Variants in GMPR observed in about 807,000 individuals in gnomAD.
GMPR encodes the protein GMP reductase 1.
In GMPR, 31 loss-of-function variants were observed where a neutral mutation model predicts 38.4. That is an observed-to-expected ratio of 0.81 (90% confidence interval 0.61 to 1.09). The LOEUF is 1.09. GMPR is among the 50% of genes least tolerant of loss of function. The probability of loss-of-function intolerance (pLI) is 0.00; values close to 1 mark genes in which losing one functional copy is unlikely to be tolerated. For missense variants in GMPR, 468 were observed against 453.7 expected (o/e 1.03, Z -0.29); for synonymous variants, 162 against 173.3 (o/e 0.93, Z 0.51).
At chr6:16,260,885 G>A (rs1382390668) in intron 4 of GMPR, among the ~76,000 whole-genome samples, 5 of 151,952 alleles carry the variant, frequency 3.3e-5, no homozygotes, top group Admixed American at 2.6e-4. Flanking sequence ...ATTGAAGTCC[G>A]GGCCAGGAAC....
intron 4 of GMPR, among the ~76,000 whole-genome samples, chr6:16,271,695 C>T (rs1014416414): frequency 1.3e-5 from 2 of 151,788 alleles, no homozygotes; most frequent in African/African-American, 4.8e-5. Context: ...ACTCCTGCCC[C>T]CATTATAATT....
intron 4 of GMPR, among the ~76,000 whole-genome samples, chr6:16,270,060 G>A (rs1759351790): frequency 6.6e-6 from 1 of 152,100 alleles, no homozygotes; most frequent in South Asian, 2.1e-4. Flanking sequence ...TCACCACCTT[G>A]GGAATAAAGA....
At chr6:16,289,060 T>C (rs1413702414) in intron 7 of GMPR, among the ~76,000 whole-genome samples, 3 of 152,174 alleles carry the variant, frequency 2.0e-5, no homozygotes, top group East Asian at 1.9e-4. Context: ...GCTCCTTTTC[T>C]TTGGGAGGGT....
At chr6:16,289,095 T>C (rs963833258) in intron 7 of GMPR, among the ~76,000 whole-genome samples, 2 of 152,244 alleles carry the variant, frequency 1.3e-5, no homozygotes, top group Admixed American at 6.5e-5. Flanking sequence ...CTCTTTGCAA[T>C]AGATTCTGTT....
intron 4 of GMPR, among the ~76,000 whole-genome samples, chr6:16,266,256 ACT>A (rs1222162099): frequency 6.6e-6 from 1 of 151,698 alleles, no homozygotes; most frequent in Non-Finnish European, 1.5e-5. Flanking sequence ...GAGCTGTAAC[ACT>A]CACTGCGAAG....
At chr6:16,263,007 C>G (rs1426119933) in intron 4 of GMPR, 1 of 151,824 alleles carries the variant, frequency 6.6e-6, no homozygotes, top group Non-Finnish European at 1.5e-5. Flanking sequence ...GGAGCGGAGG[C>G]TGAGAAAGAA....
At chr6:16,252,391 C>T (rs1317857806) in intron 3 of GMPR, among the ~76,000 whole-genome samples, 5 of 152,258 alleles carry the variant, frequency 3.3e-5, no homozygotes, top group African/African-American at 1.2e-4. Flanking sequence ...TCCTGAGTAG[C>T]TGGGATTACA....
chr6:16,289,186 G>T (rs80056946), intron 7 of GMPR, among the ~76,000 whole-genome samples: 3,166 of 152,284 alleles, frequency 0.021, 83 homozygotes, highest in African/African-American at 0.065. Flanking sequence ...TTTTGAGCTA[G>T]CGCAGACCCC....
intron 7 of GMPR, 28 bp downstream of exon 7, chr6:16,285,863 G>GGGAA (rs754901723): frequency 1.6e-4 from 255 of 1,584,252 alleles, no homozygotes; most frequent in Non-Finnish European, 2.0e-4. Flanking sequence ...TGCAGAGGGA[G>GGGAA]GGAAGGAAGG....
At chr6:16,288,794 T>C (rs773203445) in intron 7 of GMPR, among the ~76,000 whole-genome samples, 2 of 152,100 alleles carry the variant, frequency 1.3e-5, no homozygotes, top group Admixed American at 6.5e-5. Flanking sequence ...ACTCTGTATC[T>C]AGCTCAAGGT....
At chr6:16,251,207 C>T (rs1291284881) in intron 3 of GMPR, among the ~76,000 whole-genome samples, 2 of 152,152 alleles carry the variant, frequency 1.3e-5, no homozygotes, top group South Asian at 2.1e-4. Flanking sequence ...ATTGTTCAAC[C>T]GTAAGAAGGA....
At chr6:16,285,414 G>A (rs530021072) in intron 6 of GMPR, among the ~76,000 whole-genome samples, 12 of 152,376 alleles carry the variant, frequency 7.9e-5, no homozygotes, top group African/African-American at 2.9e-4. Flanking sequence ...GAGAATGAGT[G>A]TGGACAGTGG....
intron 7 of GMPR, 110 bp downstream of exon 7, chr6:16,285,945 G>A: frequency 4.3e-6 from 4 of 929,004 alleles, no homozygotes; most frequent in South Asian, 1.4e-5. Context: ...GGAAGTTCTG[G>A]GTCTCCTGGA....
chr6:16,288,586 G>A (rs1013678727), intron 7 of GMPR, among the ~76,000 whole-genome samples: 6 of 152,024 alleles, frequency 3.9e-5, no homozygotes, highest in Non-Finnish European at 8.8e-5. Context: ...AATGAGCGCC[G>A]CCCCCTGCTC....
chr6:16,285,839 AG>A lies in GMPR; in HGVS notation c.697+6del. The A allele has an allele frequency of 5.0e-6, 8 of 1,609,078 alleles. No individual in the cohort carries two copies. The highest frequency in any genetic ancestry group is 5.1e-6 in the Non-Finnish European group (6 of 1,177,298). On this transcript the variant is annotated splice_donor_5th_base_variant and intron_variant, in intron 7 of 8. Transcript: ENST00000259727. Reference sequence around the variant, plus strand: ...GGGGATGTCGCCAAAGCCTTTGGTAAGGCCGGGCCCTGGTGCAGAGGGAGGG... The same window carrying A: ...GGGGATGTCGCCAAAGCCTTTGGTAAGCCGGGCCCTGGTGCAGAGGGAGGG...
intron 7 of GMPR, among the ~76,000 whole-genome samples, chr6:16,289,248 C>A (rs576217418): frequency 3.3e-5 from 5 of 152,190 alleles, no homozygotes; most frequent in Non-Finnish European, 7.3e-5. Context: ...AGAGCTGTTA[C>A]ACTCACAGTG....
chr6:16,241,093 T>A (rs1758640062), intron 1 of GMPR, among the ~76,000 whole-genome samples: 1 of 152,052 alleles, frequency 6.6e-6, no homozygotes, highest in African/African-American at 2.4e-5. Context: ...CCTTGCACAA[T>A]CAGAAGCTTA....
At chr6:16,251,739 GAAA>G (rs1400377383) in intron 3 of GMPR, among the ~76,000 whole-genome samples, 10 of 152,136 alleles carry the variant, frequency 6.6e-5, no homozygotes. Flanking sequence ...GGAGGGTTAT[GAAA>G]ATATTCTAAA....
intron 7 of GMPR, among the ~76,000 whole-genome samples, chr6:16,287,889 T>C (rs994443269): frequency 1.3e-5 from 2 of 152,232 alleles, no homozygotes; most frequent in Non-Finnish European, 2.9e-5. Flanking sequence ...CTCAGAGTGC[T>C]CTGCCAATGT....
Sources: allele counts gnomAD v4.1 joint callset (sites outside exome capture counted in the v4.1 genomes callset), GRCh38; gene constraint gnomAD v4.1.1; transcripts MANE v1.5; gene names NCBI Gene and HGNC (gene_info 2026-07-23, HGNC 2026-07-21).